NR2F1-AS1: variants seen among roughly 807,000 people sequenced by gnomAD.
NR2F1-AS1 encodes NR2F1 antisense RNA 1.
intron 1 of NR2F1-AS1, among the ~76,000 whole-genome samples, chr5:93,580,037 CCAGCCGGGCCGG>C (rs1306853942): frequency 6.6e-6 from 1 of 152,250 alleles, no homozygotes; most frequent in East Asian, 1.9e-4. Flanking sequence ...GGCACAAGGG[CCAGCCGGGCCGG>C]ACTCTGCAGC....
At chr5:93,466,898 C>CTT (rs201713414) in intron 4 of NR2F1-AS1, among the ~76,000 whole-genome samples, 1 of 37,164 alleles carries the variant, frequency 2.7e-5, no homozygotes, top group African/African-American at 8.4e-5. Context: ...CAGAATATCC[C>CTT]TTTTTTGGGG....
chr5:93,490,920 GTGGTGGTGA>G (rs900064900), intron 4 of NR2F1-AS1, among the ~76,000 whole-genome samples: 2 of 148,652 alleles, frequency 1.3e-5, no homozygotes, highest in Non-Finnish European at 3.0e-5. Flanking sequence ...GGTGATGGGA[GTGGTGGTGA>G]TGGTGGTGGT....
chr5:93,469,876 G>A (rs991120449), intron 4 of NR2F1-AS1, among the ~76,000 whole-genome samples: 2 of 151,990 alleles, frequency 1.3e-5, no homozygotes, highest in African/African-American at 4.8e-5. Flanking sequence ...CCTCATTAAA[G>A]CTATGCCTTC....
intron 4 of NR2F1-AS1, among the ~76,000 whole-genome samples, chr5:93,504,301 T>A (rs1751141636): frequency 1.3e-5 from 2 of 152,142 alleles, no homozygotes; most frequent in African/African-American, 2.4e-5. Flanking sequence ...ACAAACAAAC[T>A]AAATTTGACT....
intron 4 of NR2F1-AS1, among the ~76,000 whole-genome samples, chr5:93,524,278 G>A (rs1751565084): frequency 6.6e-6 from 1 of 151,864 alleles, no homozygotes; most frequent in South Asian, 2.1e-4. Context: ...TCAACTTAAT[G>A]AAAGAAAGCA....
chr5:93,416,912 C>G (rs1391576158), intron 4 of NR2F1-AS1, among the ~76,000 whole-genome samples: 1 of 152,042 alleles, frequency 6.6e-6, no homozygotes, highest in Non-Finnish European at 1.5e-5. Flanking sequence ...GTAATATTTA[C>G]CTGGCATTTA....
chr5:93,440,814 G>T (rs1272245450), intron 4 of NR2F1-AS1, among the ~76,000 whole-genome samples: 2 of 152,122 alleles, frequency 1.3e-5, no homozygotes, highest in African/African-American at 4.8e-5. Context: ...CAGCTTTCAT[G>T]AGGAAAAATA....
At chr5:93,409,949 A>G (rs926316353) in intron 4 of NR2F1-AS1, 2 of 151,934 alleles carry the variant, frequency 1.3e-5, no homozygotes, top group Admixed American at 1.3e-4. Flanking sequence ...TGATGATGTT[A>G]AAAAAAAGCT....
upstream of NR2F1-AS1, chr5:93,584,925 CCCCCCTT>C (rs1234445623): frequency 6.9e-6 from 1 of 144,026 alleles, no homozygotes; most frequent in Non-Finnish European, 1.5e-5. Flanking sequence ...CCCTCCCCCT[CCCCCCTT>C]CCCCTTCCCC....
At chr5:93,576,538 G>T (rs1225076234) in intron 1 of NR2F1-AS1, among the ~76,000 whole-genome samples, 1 of 151,766 alleles carries the variant, frequency 6.6e-6, no homozygotes, top group Non-Finnish European at 1.5e-5. Flanking sequence ...GAAATGTTAG[G>T]TTTATTATTT....
intron 4 of NR2F1-AS1, among the ~76,000 whole-genome samples, chr5:93,479,749 C>T (rs1368620401): frequency 2.0e-5 from 3 of 151,890 alleles, no homozygotes; most frequent in Non-Finnish European, 2.9e-5. Flanking sequence ...CTTAAAGATG[C>T]TCAAAGAATT....
intron 1 of NR2F1-AS1, among the ~76,000 whole-genome samples, chr5:93,577,635 G>C (rs759662656): frequency 1.3e-5 from 2 of 152,202 alleles, no homozygotes; most frequent in Non-Finnish European, 2.9e-5. Flanking sequence ...TCTTCCAAAA[G>C]ATCTGTGTGA....
chr5:93,556,325 T>C (rs137891390), intron 2 of NR2F1-AS1, among the ~76,000 whole-genome samples: 2 of 152,298 alleles, frequency 1.3e-5, no homozygotes, highest in Non-Finnish European at 1.5e-5. Context: ...TGCAAGTCAG[T>C]CCTATTCCAA....
At chr5:93,510,663 A>G (rs1751276787) in intron 4 of NR2F1-AS1, among the ~76,000 whole-genome samples, 1 of 152,182 alleles carries the variant, frequency 6.6e-6, no homozygotes, top group Admixed American at 6.6e-5. Flanking sequence ...TATAAGTTGC[A>G]TCTTTGCTCA....
intron 4 of NR2F1-AS1, among the ~76,000 whole-genome samples, chr5:93,413,751 T>C (rs1031604692): frequency 2.6e-5 from 4 of 152,246 alleles, no homozygotes; most frequent in African/African-American, 9.6e-5. Context: ...CTGATTTTTC[T>C]ACAGTAAATG....
intron 4 of NR2F1-AS1, among the ~76,000 whole-genome samples, chr5:93,501,960 A>C (rs1751089891): frequency 6.6e-6 from 1 of 152,198 alleles, no homozygotes; most frequent in South Asian, 2.1e-4. Flanking sequence ...AGCAACCACA[A>C]CCTTGATCAG....
chr5:93,558,765 G>C (rs934402450), intron 2 of NR2F1-AS1, among the ~76,000 whole-genome samples: 1 of 152,174 alleles, frequency 6.6e-6, no homozygotes, highest in South Asian at 2.1e-4. Flanking sequence ...GGGTGACCAG[G>C]TACACTGTCA....
chr5:93,536,408 A>C (rs1251441121), intron 4 of NR2F1-AS1, among the ~76,000 whole-genome samples: 1 of 152,186 alleles, frequency 6.6e-6, no homozygotes, highest in Non-Finnish European at 1.5e-5. Context: ...AATACCAATG[A>C]CATTTTTCAT....
chr5:93,492,663 A>G (rs1163795437), intron 4 of NR2F1-AS1, among the ~76,000 whole-genome samples: 2 of 152,174 alleles, frequency 1.3e-5, no homozygotes, highest in African/African-American at 4.8e-5. Context: ...CAAATCCAAC[A>G]GCATATTTTA....
Sources: allele counts gnomAD v4.1 joint callset (sites outside exome capture counted in the v4.1 genomes callset), GRCh38; gene constraint gnomAD v4.1.1; transcripts MANE v1.5; gene names NCBI Gene and HGNC (gene_info 2026-07-23, HGNC 2026-07-21).